The following STK39 variants were observed in gnomAD, a reference collection of about 807,000 sequenced individuals.
The protein encoded by STK39 is serine/threonine kinase 39.
Under a neutral mutation model 77.8 loss-of-function variants are expected in STK39, and 20 were observed. The ratio of observed to expected loss-of-function variants is 0.26; its 90% CI spans 0.18 to 0.37. The LOEUF (loss-of-function observed/expected upper bound fraction) is 0.37. STK39 is among the 10% of genes least tolerant of loss of function. STK39 has a pLI of 1.00. For missense variants in STK39, 479 were observed against 656.5 expected (o/e 0.73, Z 2.95); for synonymous variants, 246 against 234.1 (o/e 1.05, Z -0.47).
At chr2:167,992,837 A>C (rs2893070) in intron 16 of STK39, among the ~76,000 whole-genome samples, 53,114 of 152,044 alleles carry the variant, frequency 0.35, 9,946 homozygotes, top group Non-Finnish European at 0.41. Flanking sequence ...GGGTACACCA[A>C]CTATAAAAGA....
intron 1 of STK39, among the ~76,000 whole-genome samples, chr2:168,193,920 C>A (rs1244149065): frequency 6.6e-6 from 1 of 152,182 alleles, no homozygotes; most frequent in African/African-American, 2.4e-5. Context: ...AGGTACCCAC[C>A]TCCTAATAAG....
At chr2:168,019,093 C>T (rs1381090902) in intron 14 of STK39, among the ~76,000 whole-genome samples, 2 of 151,878 alleles carry the variant, frequency 1.3e-5, no homozygotes, top group Non-Finnish European at 2.9e-5. Context: ...ATCACTACTC[C>T]CCTCAGGGCT....
At chr2:167,990,332 A>G (rs1173830038) in intron 16 of STK39, among the ~76,000 whole-genome samples, 3 of 152,206 alleles carry the variant, frequency 2.0e-5, no homozygotes, top group Non-Finnish European at 4.4e-5. Flanking sequence ...TCAGTCAAAT[A>G]TATATTTTTT....
chr2:168,077,358 C>A (rs1686107437), intron 10 of STK39, among the ~76,000 whole-genome samples: 1 of 152,110 alleles, frequency 6.6e-6, no homozygotes, highest in Non-Finnish European at 1.5e-5. Context: ...CAAGCAGAAT[C>A]CAACTATAAA....
chr2:168,076,113 T>C (rs1214273916), intron 10 of STK39, among the ~76,000 whole-genome samples: 1 of 152,190 alleles, frequency 6.6e-6, no homozygotes, highest in East Asian at 1.9e-4. Flanking sequence ...CAGATGAACA[T>C]GATGTGAATG....
At chr2:168,138,059 C>A in intron 8 of STK39, 29 bp downstream of exon 8, 1 of 1,609,074 alleles carries the variant, frequency 6.2e-7, no homozygotes, top group Non-Finnish European at 8.5e-7. Flanking sequence ...CAAACCAGGT[C>A]ATTAACTCAT....
At chr2:168,037,123 T>C (rs1684976608) in intron 14 of STK39, among the ~76,000 whole-genome samples, 2 of 152,192 alleles carry the variant, frequency 1.3e-5, no homozygotes, top group Non-Finnish European at 2.9e-5. Flanking sequence ...AGTGAGTTAT[T>C]TTATTGGGCG....
chr2:168,116,869 A>C (rs1020339087), intron 10 of STK39, among the ~76,000 whole-genome samples: 1 of 152,206 alleles, frequency 6.6e-6, no homozygotes, highest in African/African-American at 2.4e-5. Context: ...ATTTCTCCTA[A>C]GTGAGGAAAT....
intron 14 of STK39, among the ~76,000 whole-genome samples, chr2:168,055,017 T>C (rs975187398): frequency 2.0e-5 from 3 of 152,214 alleles, no homozygotes; most frequent in Admixed American, 2.0e-4. Context: ...CCTTGCTTTA[T>C]TCATTTTTGA....
rs1452080888 is a variant in STK39 at position 168,119,233 on chromosome 2, A to G, written c.1089+10308T>C. 2.6e-5 allele frequency among the ~76,000 whole-genome samples: 4 copies of G among 152,134 alleles called. No individual in the cohort carries two copies. In the East Asian group the frequency reaches 5.8e-4, roughly 22 times the overall value. The stretch of plus-strand genomic sequence containing the variant: ...GAGTATTTTATATTAAACCCATAAT[A>G]TGCACGGTAACTGCGGAAGTGGGTC... On this transcript the variant is annotated intron_variant, in intron 10 of 17. Coordinates refer to ENST00000355999, the MANE Select transcript of STK39 (RefSeq NM_013233.3).
At chr2:168,153,140 C>T (rs1351079632) in intron 5 of STK39, among the ~76,000 whole-genome samples, 1 of 152,194 alleles carries the variant, frequency 6.6e-6, no homozygotes, top group Non-Finnish European at 1.5e-5. Flanking sequence ...ACTGAAAACT[C>T]CTAACATTAA....
intron 14 of STK39, among the ~76,000 whole-genome samples, chr2:168,031,774 G>A (rs1371015767): frequency 2.6e-5 from 4 of 152,180 alleles, no homozygotes; most frequent in African/African-American, 9.7e-5. Context: ...CTAGGCGCCA[G>A]AACAATGAGA....
intron 10 of STK39, among the ~76,000 whole-genome samples, chr2:168,097,247 G>C (rs1445938528): frequency 6.6e-6 from 1 of 152,200 alleles, no homozygotes; most frequent in Non-Finnish European, 1.5e-5. Context: ...TGCCCCTTGT[G>C]CAAATGCACA....
At chr2:167,980,752 TG>T (rs1481344960) in intron 16 of STK39, among the ~76,000 whole-genome samples, 3 of 103,444 alleles carry the variant, frequency 2.9e-5, no homozygotes, top group South Asian at 2.5e-4. Flanking sequence ...TTCTTGTTGT[TG>T]TTTTTTTTTT....
At chr2:168,170,451 C>A (rs1355838138) in intron 2 of STK39, among the ~76,000 whole-genome samples, 1 of 152,280 alleles carries the variant, frequency 6.6e-6, no homozygotes, top group African/African-American at 2.4e-5. Flanking sequence ...GGTCACAACC[C>A]AAGGCAGAAG....
chr2:168,114,013 C>T (rs1011420705), intron 10 of STK39, among the ~76,000 whole-genome samples: 2 of 152,190 alleles, frequency 1.3e-5, no homozygotes, highest in East Asian at 1.9e-4. Context: ...AAAAAATACA[C>T]TCAATAGGCT....
At chr2:168,150,025 C>A (rs944649597) in intron 5 of STK39, among the ~76,000 whole-genome samples, 3 of 152,222 alleles carry the variant, frequency 2.0e-5, no homozygotes, top group Non-Finnish European at 2.9e-5. Context: ...GCTTTAAATG[C>A]AGAATCTTGA....
intron 14 of STK39, among the ~76,000 whole-genome samples, chr2:168,028,140 C>CT (rs955515569): frequency 6.6e-5 from 10 of 151,532 alleles, no homozygotes; most frequent in South Asian, 2.1e-4. Context: ...ATGGTGGACT[C>CT]TTTTTTTTTC....
At chr2:168,167,997 C>A (rs202065140) in intron 2 of STK39, among the ~76,000 whole-genome samples, 2 of 150,818 alleles carry the variant, frequency 1.3e-5, no homozygotes, top group Admixed American at 1.3e-4. Context: ...GAGCGGCAGG[C>A]GAAGTAAAAT....
Sources: gnomAD v4.1 joint callset for allele counts (sites outside exome capture counted in the v4.1 genomes callset) on GRCh38, gnomAD v4.1.1 for gene constraint, MANE v1.5 for transcripts, NCBI Gene and HGNC (gene_info 2026-07-23, HGNC 2026-07-21) for gene names.